The following RIMS2 variants were observed in gnomAD, a reference collection of about 807,000 sequenced individuals.
The protein encoded by RIMS2 is regulating synaptic membrane exocytosis protein 2.
RIMS2 carries 59 observed loss-of-function variants against 174.4 expected under a neutral mutation model. The ratio of observed to expected loss-of-function variants is 0.34; its 90% CI spans 0.27 to 0.42. The LOEUF is 0.42. Among genes scored for constraint, RIMS2 ranks in the 10% least tolerant of loss-of-function variants. RIMS2 has a pLI of 1.00. For synonymous variants in RIMS2, 606 were observed against 572.5 expected (o/e 1.06, Z -0.84); for missense variants, 1,620 against 1,666.3 (o/e 0.97, Z 0.48).
intron 1 of RIMS2, among the ~76,000 whole-genome samples, chr8:103,673,381 C>T (rs1445218622): frequency 2.0e-5 from 3 of 152,238 alleles, no homozygotes; most frequent in Non-Finnish European, 4.4e-5. Context: ...AGTAGAGATT[C>T]TCTGTGAGGG....
chr8:103,543,053 C>G (rs1843253936), intron 1 of RIMS2, among the ~76,000 whole-genome samples: 1 of 151,974 alleles, frequency 6.6e-6, no homozygotes, highest in Non-Finnish European at 1.5e-5. Context: ...ATAAAGGCAC[C>G]CAAATTGGAA....
intron 19 of RIMS2, chr8:104,094,725 A>T: frequency 1.5e-6 from 1 of 680,302 alleles, no homozygotes; most frequent in Non-Finnish European, 2.7e-6. Context: ...ACAAGATGAT[A>T]CCAGGTAAAA....
intron 19 of RIMS2, among the ~76,000 whole-genome samples, chr8:104,234,374 A>G (rs979671209): frequency 1.3e-5 from 2 of 152,056 alleles, no homozygotes; most frequent in Non-Finnish European, 2.9e-5. Flanking sequence ...AAACAGGCAC[A>G]GGTATCAGTG....
chr8:104,236,924 C>G (rs1351554635), intron 19 of RIMS2, among the ~76,000 whole-genome samples: 1 of 151,966 alleles, frequency 6.6e-6, no homozygotes, highest in Non-Finnish European at 1.5e-5. Context: ...ACAAATTTAC[C>G]ATACCTATGT....
At chr8:103,933,492 TA>T (rs750468247) in intron 12 of RIMS2, among the ~76,000 whole-genome samples, 2 of 151,846 alleles carry the variant, frequency 1.3e-5, no homozygotes, top group South Asian at 2.1e-4. Flanking sequence ...CCATCTCAAA[TA>T]AAAAAAAGAG....
intron 1 of RIMS2, among the ~76,000 whole-genome samples, chr8:103,590,270 CA>C (rs1338140560): frequency 6.6e-6 from 1 of 151,196 alleles, no homozygotes; most frequent in East Asian, 1.9e-4. Context: ...AACGTGTCAC[CA>C]AAAAACTGTT....
At chr8:104,007,874 A>G (rs1043875131) in intron 17 of RIMS2, among the ~76,000 whole-genome samples, 1 of 152,164 alleles carries the variant, frequency 6.6e-6, no homozygotes, top group Admixed American at 6.5e-5. Flanking sequence ...ACATCTGAGT[A>G]TGAGATTTGG....
At chr8:103,719,700 C>T (rs1204681651) in intron 2 of RIMS2, among the ~76,000 whole-genome samples, 1 of 151,958 alleles carries the variant, frequency 6.6e-6, no homozygotes, top group Non-Finnish European at 1.5e-5. Flanking sequence ...TTTCCCAGAC[C>T]TTTTAGGATG....
intron 1 of RIMS2, among the ~76,000 whole-genome samples, chr8:103,657,786 G>C (rs2096548849): frequency 6.6e-6 from 1 of 152,166 alleles, no homozygotes. Flanking sequence ...GCTCAGTTCT[G>C]ACTGGTTGAT....
chr8:103,516,445 T>A (rs1177725013), intron 1 of RIMS2, among the ~76,000 whole-genome samples: 2 of 152,154 alleles, frequency 1.3e-5, no homozygotes, highest in Non-Finnish European at 2.9e-5. Context: ...TACATTATTT[T>A]TTATTTCTAA....
intron 19 of RIMS2, among the ~76,000 whole-genome samples, chr8:104,073,774 G>T (rs139217790): frequency 6.6e-6 from 1 of 152,062 alleles, no homozygotes; most frequent in Non-Finnish European, 1.5e-5. Flanking sequence ...ATATCCTGTC[G>T]CTTTTTCCCC....
intron 3 of RIMS2, among the ~76,000 whole-genome samples, chr8:103,829,804 A>G (rs1038759697): frequency 2.6e-5 from 4 of 152,180 alleles, no homozygotes; most frequent in African/African-American, 9.7e-5. Context: ...CAGATCCCCA[A>G]GTTTACTCAT....
At chr8:103,839,986 T>G (rs1439398816) in intron 3 of RIMS2, among the ~76,000 whole-genome samples, 1 of 152,182 alleles carries the variant, frequency 6.6e-6, no homozygotes, top group Non-Finnish European at 1.5e-5. Flanking sequence ...GGACTCCAGT[T>G]CCTAATACTA....
At chr8:103,578,859 G>A (rs946174412) in intron 1 of RIMS2, among the ~76,000 whole-genome samples, 2 of 151,608 alleles carry the variant, frequency 1.3e-5, no homozygotes, top group African/African-American at 4.8e-5. Context: ...GGGCATGGTG[G>A]CACACACCTG....
chr8:104,069,631 G>A (rs2097163962), intron 19 of RIMS2, among the ~76,000 whole-genome samples: 3 of 151,862 alleles, frequency 2.0e-5, no homozygotes, highest in Admixed American at 2.0e-4. Flanking sequence ...ACCATGCCCA[G>A]CTAATTTTTG....
At chr8:104,165,125 C>T (rs2098789147) in intron 19 of RIMS2, among the ~76,000 whole-genome samples, 1 of 152,132 alleles carries the variant, frequency 6.6e-6, no homozygotes, top group Non-Finnish European at 1.5e-5. Context: ...GTACAGTGCA[C>T]AATTTTAAAG....
chr8:103,623,489 T>TTG (rs2095689290), intron 1 of RIMS2, among the ~76,000 whole-genome samples: 1 of 136,290 alleles, frequency 7.3e-6, no homozygotes, highest in African/African-American at 2.8e-5. Flanking sequence ...TTTTTTTTTT[T>TTG]TTTTTTTTTT....
At chr8:103,925,687 G>A (rs2078638870) in intron 10 of RIMS2, among the ~76,000 whole-genome samples, 1 of 151,506 alleles carries the variant, frequency 6.6e-6, no homozygotes, top group South Asian at 2.1e-4. Context: ...GAGACACATA[G>A]TAGTTTGCCA....
chr8:104,183,093 G>A lies in RIMS2; in HGVS notation c.3335-61823G>A, dbSNP rs75222438. 5.9e-3 allele frequency among the ~76,000 whole-genome samples: 899 copies of A among 151,788 alleles called. 7 individuals carry two copies. The highest frequency in any genetic ancestry group is 0.02 in the African/African-American group (832 of 41,480). On this transcript the variant is annotated intron_variant, in intron 19 of 23. Coordinates refer to ENST00000504942, the Ensembl canonical transcript of RIMS2. ...CATATTAAATGTTGCTTGCAGGTCT[G>A]TATTCTGCTCTGCCTGATAGAGTAC...
Sources: gnomAD v4.1 joint callset for allele counts (sites outside exome capture counted in the v4.1 genomes callset) on GRCh38, gnomAD v4.1.1 for gene constraint, MANE v1.5 for transcripts, NCBI Gene and HGNC (gene_info 2026-07-23, HGNC 2026-07-21) for gene names.